Variants in SMCHD1 observed in about 807,000 individuals in gnomAD.
SMCHD1 encodes structural maintenance of chromosomes flexible hinge domain-containing protein 1.
A neutral mutation model predicts 254.7 loss-of-function variants in SMCHD1; 78 were observed. That is an observed-to-expected ratio of 0.31 (90% CI 0.26 to 0.37). SMCHD1 has a LOEUF of 0.37. Among genes scored for constraint, SMCHD1 ranks in the 10% least tolerant of loss-of-function variants. The pLI, the probability that SMCHD1 is intolerant of heterozygous loss-of-function variation, is 1.00. For missense variants in SMCHD1, 1,840 were observed against 2,408.1 expected (o/e 0.76, Z 4.94); for synonymous variants, 766 against 794.9 (o/e 0.96, Z 0.61).
intron 1 of SMCHD1, among the ~76,000 whole-genome samples, chr18:2,659,414 A>G (rs976929798): frequency 6.6e-6 from 1 of 152,106 alleles, no homozygotes; most frequent in African/African-American, 2.4e-5. Flanking sequence ...CACCACGCCC[A>G]GCTCTAAATT....
intron 23 of SMCHD1, 149 bp from the exon 24 acceptor site, chr18:2,729,126 A>G (rs960520999): frequency 3.5e-5 from 19 of 542,576 alleles, no homozygotes; most frequent in Non-Finnish European, 5.6e-5. Flanking sequence ...TTTGTTCAGT[A>G]TTCTAGAGTT....
At chr18:2,732,051 CA>C (rs1274908345) in intron 24 of SMCHD1, among the ~76,000 whole-genome samples, 1 of 152,082 alleles carries the variant, frequency 6.6e-6, no homozygotes, top group Non-Finnish European at 1.5e-5. Context: ...AGTCCACATA[CA>C]ATTGTTTTTA....
intron 7 of SMCHD1, among the ~76,000 whole-genome samples, chr18:2,690,241 G>A (rs1216653174): frequency 1.3e-5 from 2 of 152,082 alleles, no homozygotes; most frequent in African/African-American, 2.4e-5. Context: ...AACATGTTGA[G>A]TATTTCCCCA....
At chr18:2,799,937 T>G (rs1312119610) in intron 47 of SMCHD1, among the ~76,000 whole-genome samples, 1 of 152,098 alleles carries the variant, frequency 6.6e-6, no homozygotes, top group Non-Finnish European at 1.5e-5. Flanking sequence ...TATAAATTCC[T>G]TAGAAAAAAT....
chr18:2,728,741 AGT>A, intron 23 of SMCHD1, 145 bp downstream of exon 23: 1 of 728,292 alleles, frequency 1.4e-6, no homozygotes, highest in Non-Finnish European at 1.8e-6. Flanking sequence ...TATTGCCAAT[AGT>A]TTTTTTTTTT....
chr18:2,668,962 A>G (rs2073518227), intron 3 of SMCHD1, among the ~76,000 whole-genome samples: 1 of 151,276 alleles, frequency 6.6e-6, no homozygotes, highest in South Asian at 2.1e-4. Flanking sequence ...GTAGCCTCGA[A>G]CTCCTAAGCT....
At chr18:2,765,996 G>GTTTTCTTTTTTTTTTTTTTT (rs377381607) in intron 37 of SMCHD1, among the ~76,000 whole-genome samples, 170 of 140,708 alleles carry the variant, frequency 1.2e-3, no homozygotes, top group South Asian at 0.01. Flanking sequence ...GCTATGTCCA[G>GTTTTCTTTTTTTTTTTTTTT]TTTTCTTTTT....
chr18:2,804,495 A>ACTT lies in SMCHD1; in HGVS notation c.*1944_*1946dup, dbSNP rs757267652. On this transcript the variant is annotated 3_prime_UTR_variant, in exon 48 of 48. Coordinates refer to ENST00000320876, the MANE Select transcript of SMCHD1 (RefSeq NM_015295.3). Reference sequence around the variant, plus strand: ...TCTAGCCCCAAGCCCATATCTGTACACTTTTGTTCATTTTATAATACCAGA... The same window carrying ACTT: ...TCTAGCCCCAAGCCCATATCTGTACACTTCTTTTGTTCATTTTATAATACCAGA... 3.2e-4 allele frequency: 48 copies of ACTT among 152,206 alleles called. No individual in the cohort carries two copies. Among genetic ancestry groups the ACTT allele is most frequent in the Admixed American group, 1.0e-3 (16 of 15,302 alleles). 9.4% of individuals were successfully genotyped at this position (152,206 alleles called of 1,614,324 possible).
chr18:2,698,406 TAC>T (rs748579389), intron 10 of SMCHD1, among the ~76,000 whole-genome samples: 9 of 152,214 alleles, frequency 5.9e-5, no homozygotes, highest in Non-Finnish European at 1.0e-4. Flanking sequence ...GATTTTGTCT[TAC>T]TGTAGAAAGG....
rs530641399 is a variant in SMCHD1 at position 2,688,753 on chromosome 18, A to G, written c.873+6A>G. 6 of 1,293,396 alleles carry G rather than the reference A, an allele frequency of 4.6e-6. No individual in the cohort carries two copies. The highest frequency in any genetic ancestry group is 1.5e-5 in the African/African-American group (1 of 67,634). The allele number at this position is 1,293,396 out of a possible 1,614,324, so 80.1% of individuals were successfully genotyped here. On this transcript the variant is annotated splice_donor_region_variant and intron_variant, in intron 7 of 47. Transcript: ENST00000320876. ...GATATATTAGAAACAGAAAGGTACA[A>G]TACATTTTAACTCATAATTATAAAT...
intron 45 of SMCHD1, among the ~76,000 whole-genome samples, chr18:2,787,146 A>T (rs1314017229): frequency 6.6e-6 from 1 of 152,192 alleles, no homozygotes. Flanking sequence ...GTAGATGAAG[A>T]GCTGGCATGT....
intron 1 of SMCHD1, 91 bp from the exon 2 acceptor site, chr18:2,666,066 T>G: frequency 1.6e-6 from 1 of 623,960 alleles, no homozygotes; most frequent in African/African-American, 1.9e-5. Context: ...AGAATTATAA[T>G]GTACTATCAA....
chr18:2,789,937 A>G (rs1018161660), intron 45 of SMCHD1, among the ~76,000 whole-genome samples: 1 of 152,224 alleles, frequency 6.6e-6, no homozygotes. Context: ...TAATCCCAAC[A>G]CTTTGGGAGG....
intron 1 of SMCHD1, 48 bp from the exon 2 acceptor site, chr18:2,666,109 A>G (rs1187208567): frequency 1.2e-6 from 1 of 857,416 alleles, no homozygotes. Context: ...TGAATAATAC[A>G]TTTATTTCCT....
At chr18:2,772,704 C>A (rs915174865) in intron 41 of SMCHD1, among the ~76,000 whole-genome samples, 1 of 152,168 alleles carries the variant, frequency 6.6e-6, no homozygotes, top group Non-Finnish European at 1.5e-5. Context: ...GACTGTGGCT[C>A]GCTGCTCCCT....
Position 2,750,366 on chromosome 18 carries a change from C to A in SMCHD1, c.4024C>A (p.Gln1342Lys). The change falls in exon 32 of 48, where the codon CAG becomes AAG. Residue 1342 changes from glutamine (Q) to lysine (K), a missense_variant. Transcript: ENST00000320876. Reference protein sequence around the residue: ...VFAPRGEHTLQVKAIYNKSII... With the variant: ...VFAPRGEHTLKVKAIYNKSII... Reference sequence around the variant, plus strand: ...TTTTGTTAGGGGAGAGCATACTCTTCAGGTTAAAGCCATCTATAACAAAAG... The same window carrying A: ...TTTTGTTAGGGGAGAGCATACTCTTAAGGTTAAAGCCATCTATAACAAAAG... 6.2e-7 allele frequency: 1 copy of A among 1,611,740 alleles called. No individual in the cohort carries two copies. The highest frequency in any genetic ancestry group is 8.5e-7 in the Non-Finnish European group (1 of 1,178,742).
At chr18:2,705,473 A>G (rs1380238873) in intron 13 of SMCHD1, among the ~76,000 whole-genome samples, 3 of 152,162 alleles carry the variant, frequency 2.0e-5, no homozygotes, top group Non-Finnish European at 2.9e-5. Flanking sequence ...ACATTTGTAT[A>G]AAGAAGCTGC....
intron 47 of SMCHD1, among the ~76,000 whole-genome samples, chr18:2,797,408 A>C (rs2076282429): frequency 6.6e-6 from 1 of 152,332 alleles, no homozygotes; most frequent in Admixed American, 6.5e-5. Flanking sequence ...CTCTACCTGA[A>C]TATGTTTTCT....
chr18:2,683,481 A>G (rs1339618051), intron 5 of SMCHD1, among the ~76,000 whole-genome samples: 1 of 152,178 alleles, frequency 6.6e-6, no homozygotes, highest in African/African-American at 2.4e-5. Context: ...TAGCTAGAGA[A>G]TGTACTCTTA....
Sources: allele counts gnomAD v4.1 joint callset (sites outside exome capture counted in the v4.1 genomes callset), GRCh38; gene constraint gnomAD v4.1.1; transcripts MANE v1.5; gene names NCBI Gene and HGNC (gene_info 2026-07-23, HGNC 2026-07-21).